The following SCN7A variants were observed in gnomAD, a reference collection of about 807,000 sequenced individuals.
SCN7A encodes sodium voltage-gated channel alpha subunit 7, also known as sodium channel protein type 7 subunit alpha.
Under a neutral mutation model 155.2 loss-of-function variants are expected in SCN7A, and 138 were observed. That is an observed-to-expected ratio of 0.89 (90% CI 0.77 to 1.02). The LOEUF (loss-of-function observed/expected upper bound fraction) is 1.02. Among genes scored for constraint, SCN7A ranks in the 50% least tolerant of loss-of-function variants. The pLI is 0.00. For missense variants in SCN7A, 2,058 were observed against 1,986.6 expected (o/e 1.04, Z -0.68); for synonymous variants, 693 against 649.0 (o/e 1.07, Z -1.03).
At chr2:166,472,195 T>C (rs1208814814) in intron 6 of SCN7A, 122 bp downstream of exon 6, 3 of 940,038 alleles carry the variant, frequency 3.2e-6, no homozygotes, top group Admixed American at 3.0e-5. Context: ...ACCATAACTT[T>C]GAAGTATTCT....
intron 6 of SCN7A, 80 bp from the exon 7 acceptor site, chr2:166,470,786 C>T (rs1702637606): frequency 7.9e-7 from 1 of 1,269,726 alleles, no homozygotes; most frequent in African/African-American, 1.5e-5. Flanking sequence ...GTTATTGAAA[C>T]TTATTTTTAA....
At chr2:166,461,708 AC>A (rs767624397) in intron 10 of SCN7A, 10 of 152,182 alleles carry the variant, frequency 6.6e-5, no homozygotes, top group Admixed American at 1.3e-4. Flanking sequence ...TTGAAACAAG[AC>A]AGTGATCTGA....
chr2:166,444,359 ACTGC>A (rs1423676975), intron 13 of SCN7A, among the ~76,000 whole-genome samples: 2 of 152,212 alleles, frequency 1.3e-5, no homozygotes, highest in Non-Finnish European at 2.9e-5. Flanking sequence ...GACAGGGCCA[ACTGC>A]TGTTTTAATC....
intron 11 of SCN7A, among the ~76,000 whole-genome samples, chr2:166,450,299 T>G (rs1702149332): frequency 6.6e-6 from 1 of 151,860 alleles, no homozygotes; most frequent in Admixed American, 6.6e-5. Flanking sequence ...ACAACAGACA[T>G]CGGGCACTGG....
rs1701392209 is a variant in SCN7A at position 166,416,969 on chromosome 2, A to C, written c.3152T>G (p.Leu1051Trp). The C allele has an allele frequency of 6.2e-7, 1 of 1,600,430 alleles. No homozygotes were observed. The change falls in exon 21 of 26, where the codon TTG (leucine) becomes TGG (tryptophan). Residue 1051 changes from leucine (L) to tryptophan (W), a missense_variant. Physicochemically the swap from Leu to Trp is moderately conservative, Grantham distance 61. Coordinates refer to ENST00000643258, the MANE Select transcript of SCN7A (RefSeq NM_002976.4). ...FERMKVVVRALIKTTLPTLNV... is the reference protein window; with the variant it reads ...FERMKVVVRAWIKTTLPTLNV... ...CAAAGTGGGTAAGGTTGTTTTGATC[A>C]AAGCTCTCACAACCACCTGGTATAT... is the stretch of plus-strand genomic sequence containing the variant.
chr2:166,470,607 TTTCTTACC>T lies in SCN7A; in HGVS notation c.664_664+7del. Reference sequence around the variant, plus strand: ...AATGAAGAAAAGACATTCAATGCAATTTCTTACCTTGATTTAAAGGAATAATTTTTAAA... The same window carrying T: ...AATGAAGAAAAGACATTCAATGCAATTTGATTTAAAGGAATAATTTTTAAA... On this transcript the variant is annotated splice_donor_variant and splice_donor_5th_base_variant and coding_sequence_variant and intron_variant, in exon 7 of 26. Coordinates refer to ENST00000643258, the MANE Select transcript of SCN7A (RefSeq NM_002976.4). LOFTEE classifies it high-confidence loss of function. 1.3e-6 allele frequency: 2 copies of T among 1,593,110 alleles called. No homozygotes were observed. The highest frequency in any genetic ancestry group is 1.7e-6 in the Non-Finnish European group (2 of 1,167,352).
intron 15 of SCN7A, chr2:166,436,349 T>C (rs955443883): frequency 2.4e-6 from 1 of 414,762 alleles, no homozygotes; most frequent in Middle Eastern, 4.5e-4. Flanking sequence ...TACCCCACCT[T>C]CACTCTGCAC....
intron 21 of SCN7A, chr2:166,414,853 T>TATAATATATAATATATATTATTTAGG (rs1701328494): frequency 9.3e-5 from 9 of 96,322 alleles, no homozygotes; most frequent in African/African-American, 3.0e-4. Context: ...ATATAGGATA[T>TATAATATATAATATATATTATTTAGG]ATAATATATA....
chr2:166,409,963 G>C, intron 24 of SCN7A, 28 bp from the exon 25 acceptor site: 2 of 1,515,530 alleles, frequency 1.3e-6, no homozygotes, highest in African/African-American at 1.4e-5. Flanking sequence ...AGGTGTAATA[G>C]TCTTATTAAT....
At chr2:166,440,329 T>A (rs1012868149) in intron 15 of SCN7A, among the ~76,000 whole-genome samples, 1 of 152,182 alleles carries the variant, frequency 6.6e-6, no homozygotes. Flanking sequence ...ACAGCAGTGT[T>A]ACATTTAAGT....
In SCN7A at chr2:166,432,500, A is replaced by G. The variant is rs1311167516; in HGVS notation, c.2410T>C (p.Phe804Leu). 1.2e-6 allele frequency: 2 copies of G among 1,613,552 alleles called. No individual in the cohort carries two copies. Among genetic ancestry groups the G allele is most frequent in the East Asian group, 2.2e-5 (1 of 44,866 alleles). The change falls in exon 16 of 26, where the codon TTT (phenylalanine) becomes CTT (leucine). Residue 804 changes from phenylalanine to leucine, a missense_variant. By Grantham distance (22) the Phe-to-Leu change is conservative. Transcript: ENST00000643258. ...CTGCTTTTTTCCTTATCTTTGAGAAAATCTTGGGTGTTGCTCAATTCAGAA... is the reference window on the plus strand; with the variant it reads ...CTGCTTTTTTCCTTATCTTTGAGAAGATCTTGGGTGTTGCTCAATTCAGAA... ...TLSELSNTQD[F>L]LKDKEKSSGT...
intron 15 of SCN7A, among the ~76,000 whole-genome samples, chr2:166,439,055 G>GTGTATA (rs375208870): frequency 2.9e-3 from 326 of 113,374 alleles, no homozygotes; most frequent in Middle Eastern, 4.8e-3. Flanking sequence ...GTGTGTGTGT[G>GTGTATA]TATATATATA....
At chr2:166,464,801 G>A (rs1162577964) in intron 9 of SCN7A, among the ~76,000 whole-genome samples, 1 of 151,952 alleles carries the variant, frequency 6.6e-6, no homozygotes, top group Non-Finnish European at 1.5e-5. Flanking sequence ...GTCTTTCTTC[G>A]TCATTCTCAC....
intron 16 of SCN7A, 88 bp downstream of exon 16, chr2:166,432,230 C>T: frequency 1.0e-6 from 1 of 972,994 alleles, no homozygotes; most frequent in Non-Finnish European, 1.5e-6. Context: ...AGTGGATAAT[C>T]TGGCTGTGGA....
chr2:166,450,584 G>A (rs533122281), intron 11 of SCN7A, among the ~76,000 whole-genome samples: 3 of 152,064 alleles, frequency 2.0e-5, no homozygotes, highest in Admixed American at 6.6e-5. Flanking sequence ...AGCAGATCAC[G>A]AGGTCAGGAG....
At position 166,404,771 on chromosome 2, in the gene SCN7A, C is replaced by A. The variant is rs1454103502; in HGVS notation, c.*809G>T. ...TCTATTAACATGTTATTTATTACATCATTTTAGTAAATGTATACTTTTTAA... is the reference window on the plus strand; with the variant it reads ...TCTATTAACATGTTATTTATTACATAATTTTAGTAAATGTATACTTTTTAA... On this transcript the variant is annotated 3_prime_UTR_variant, in exon 26 of 26. Transcript: ENST00000643258. 3.9e-5 allele frequency: 5 copies of A among 129,596 alleles called. No individual in the cohort carries two copies. The highest frequency in any genetic ancestry group is 1.4e-4 in the African/African-American group (5 of 34,496). 8.0% of individuals were successfully genotyped at this position (129,596 alleles called of 1,614,324 possible). A position where few individuals can be genotyped will look rare whatever the true frequency, so the allele number is the denominator to read the frequency against.
At chr2:166,484,641 A>G (rs1191570919) in intron 2 of SCN7A, among the ~76,000 whole-genome samples, 1 of 152,012 alleles carries the variant, frequency 6.6e-6, no homozygotes, top group African/African-American at 2.4e-5. Flanking sequence ...TGGCTCAAAT[A>G]CTATTAAGGT....
chr2:166,488,467 A>G (rs1362763917), intron 1 of SCN7A, among the ~76,000 whole-genome samples: 1 of 152,132 alleles, frequency 6.6e-6, no homozygotes, highest in Non-Finnish European at 1.5e-5. Flanking sequence ...AGTTGCCTAA[A>G]TCAATAATTT....
At chr2:166,417,505 T>A (rs1386663910) in intron 20 of SCN7A, among the ~76,000 whole-genome samples, 1 of 151,948 alleles carries the variant, frequency 6.6e-6, no homozygotes, top group African/African-American at 2.4e-5. Flanking sequence ...CAACTCTAGA[T>A]ATTCTTAAAA....
Sources: gnomAD v4.1 joint callset for allele counts (sites outside exome capture counted in the v4.1 genomes callset) on GRCh38, gnomAD v4.1.1 for gene constraint, MANE v1.5 for transcripts, NCBI Gene and HGNC (gene_info 2026-07-23, HGNC 2026-07-21) for gene names.